The following RBM19 variants were observed in gnomAD, a reference collection of about 807,000 sequenced individuals.
RBM19 encodes the protein RNA binding motif protein 19.
A neutral mutation model predicts 116.8 loss-of-function variants in RBM19; 94 were observed. The observed-to-expected ratio is 0.80, with a 90% CI of 0.68 to 0.95. The LOEUF is 0.95. RBM19 is among the 40% of genes least tolerant of loss of function. The pLI, the probability that RBM19 is intolerant of heterozygous loss-of-function variation, is 0.00. For missense variants in RBM19, 1,161 were observed against 1,220.7 expected (o/e 0.95, Z 0.73); for synonymous variants, 475 against 494.1 (o/e 0.96, Z 0.51).
At chr12:113,900,337 A>G (rs1881609797) in intron 21 of RBM19, among the ~76,000 whole-genome samples, 1 of 152,218 alleles carries the variant, frequency 6.6e-6, no homozygotes, top group Admixed American at 6.5e-5. Context: ...CTCTTAGTCA[A>G]GTACGTGCAG....
Position 113,909,678 on chromosome 12 carries a change from G to A in RBM19, c.2558+5291C>T, listed in dbSNP as rs145851223. 6.9e-4 allele frequency among the ~76,000 whole-genome samples: 105 copies of A among 152,140 alleles called. 1 individual carries two copies. The highest frequency in any genetic ancestry group is 2.2e-3 in the African/African-American group (91 of 41,500). On this transcript the variant is annotated intron_variant, in intron 21 of 23. Coordinates refer to ENST00000261741, the MANE Select transcript of RBM19 (RefSeq NM_016196.4). ...GAAGCTCACAGGTGGAAAGTGAGCC[G>A]GGGGACTCTGGAGTACTGTGTATAT...
intron 19 of RBM19, among the ~76,000 whole-genome samples, chr12:113,919,666 C>T: frequency 6.6e-6 from 1 of 152,216 alleles, no homozygotes; most frequent in East Asian, 1.9e-4. Flanking sequence ...AACTCCCCTC[C>T]TGCTAGAGAG....
At chr12:113,840,662 G>C (rs924025434) in intron 23 of RBM19, among the ~76,000 whole-genome samples, 4 of 152,236 alleles carry the variant, frequency 2.6e-5, no homozygotes, top group African/African-American at 9.6e-5. Flanking sequence ...GCAGGAGAGA[G>C]AGCTGCAGCT....
At chr12:113,824,970 A>T (rs565866145) in intron 23 of RBM19, among the ~76,000 whole-genome samples, 3 of 152,010 alleles carry the variant, frequency 2.0e-5, no homozygotes, top group Admixed American at 6.5e-5. Flanking sequence ...CCCCCTGCTC[A>T]AGACCTTTGC....
chr12:113,936,774 T>G, intron 16 of RBM19: 1 of 464,602 alleles, frequency 2.2e-6, no homozygotes, highest in Non-Finnish European at 3.7e-6. Context: ...GATAGTAATT[T>G]TTTTCCCCTA....
At chr12:113,894,462 C>T (rs1881187989) in intron 21 of RBM19, among the ~76,000 whole-genome samples, 1 of 152,174 alleles carries the variant, frequency 6.6e-6, no homozygotes, top group Admixed American at 6.6e-5. Context: ...GGAGGGGCAT[C>T]TCTTTAGAGG....
downstream of RBM19, chr12:113,818,139 T>C (rs972849213): frequency 2.1e-5 from 3 of 140,700 alleles, no homozygotes; most frequent in Non-Finnish European, 4.5e-5. Flanking sequence ...GGCGGGACAA[T>C]CGCTTGAACC....
chr12:113,879,264 T>G (rs1461129181), intron 21 of RBM19, among the ~76,000 whole-genome samples: 3 of 152,146 alleles, frequency 2.0e-5, no homozygotes, highest in Admixed American at 2.0e-4. Flanking sequence ...TTGCAGTGGC[T>G]GCAATGACAC....
At chr12:113,830,248 C>T (rs1317705434) in intron 23 of RBM19, among the ~76,000 whole-genome samples, 1 of 152,198 alleles carries the variant, frequency 6.6e-6, no homozygotes, top group Non-Finnish European at 1.5e-5. Flanking sequence ...GCCATTGGTT[C>T]TCAATCCAGC....
At chr12:113,872,124 G>A (rs1439959985) in intron 21 of RBM19, among the ~76,000 whole-genome samples, 9 of 148,702 alleles carry the variant, frequency 6.1e-5, no homozygotes, top group South Asian at 4.5e-4. Flanking sequence ...AGTGAGGAGC[G>A]TCTCTGCCCG....
chr12:113,954,624 T>C (rs1871752786), intron 7 of RBM19, among the ~76,000 whole-genome samples: 1 of 152,254 alleles, frequency 6.6e-6, no homozygotes, highest in African/African-American at 2.4e-5. Context: ...TTTTCTATAT[T>C]GAACTACTAC....
intron 16 of RBM19, 75 bp from the exon 17 acceptor site, chr12:113,927,304 TG>T (rs1328495554): frequency 1.2e-5 from 18 of 1,479,446 alleles, no homozygotes; most frequent in Non-Finnish European, 1.6e-5. Flanking sequence ...ACCAGAGCCC[TG>T]GGGCCAACTG....
chr12:113,899,860 T>G lies in RBM19; in HGVS notation c.2558+15109A>C, dbSNP rs537787598. On this transcript the variant is annotated intron_variant, in intron 21 of 23. Coordinates refer to ENST00000261741, the MANE Select transcript of RBM19 (RefSeq NM_016196.4). ...GGCGCGCAATTATCAGCTCCAACAATGAGCCAACGGCGGCCCTCCGAGCAA... is the reference window on the plus strand; with the variant it reads ...GGCGCGCAATTATCAGCTCCAACAAGGAGCCAACGGCGGCCCTCCGAGCAA... Among the ~76,000 whole-genome samples the G allele has an allele frequency of 2.7e-3, 405 of 151,846 alleles. 3 individuals are homozygous for G. The highest frequency in any genetic ancestry group is 0.01 in the Middle Eastern group (3 of 294).
chr12:113,937,578 G>C (rs999599183), intron 15 of RBM19, among the ~76,000 whole-genome samples: 6 of 152,036 alleles, frequency 3.9e-5, no homozygotes, highest in Non-Finnish European at 7.4e-5. Context: ...ACCTGTATAC[G>C]TGTGCATATG....
chr12:113,878,632 G>GATACAC (rs1879841489), intron 21 of RBM19, among the ~76,000 whole-genome samples: 1 of 137,830 alleles, frequency 7.3e-6, no homozygotes, highest in Admixed American at 7.3e-5. Flanking sequence ...CATTCTCCCT[G>GATACAC]ACACACACAC....
At position 113,901,526 on chromosome 12, in the gene RBM19, C is replaced by CATTCATTA. The variant is rs1029635175; in HGVS notation, c.2558+13442_2558+13443insTAATGAAT. Among the ~76,000 whole-genome samples the CATTCATTA allele has an allele frequency of 1.2e-4, 18 of 152,178 alleles. No homozygotes were observed. The South Asian group carries it at 2.5e-3, about 21-fold the overall frequency. On this transcript the variant is annotated intron_variant, in intron 21 of 23. Coordinates refer to ENST00000261741, the MANE Select transcript of RBM19 (RefSeq NM_016196.4). Reference sequence around the variant, plus strand: ...TCATTCATTCATTCATTCATTCATTCGAGACAGAGTCTTGCTCTGTCACCC... The same window carrying CATTCATTA: ...TCATTCATTCATTCATTCATTCATTCATTCATTAGAGACAGAGTCTTGCTCTGTCACCC...
intron 21 of RBM19, among the ~76,000 whole-genome samples, chr12:113,906,757 C>G (rs1203222628): frequency 1.3e-5 from 2 of 151,942 alleles, no homozygotes; most frequent in African/African-American, 2.4e-5. Context: ...ACTGCCCAGT[C>G]TAAGATTCCC....
Position 113,920,621 on chromosome 12 carries a change from T to C in RBM19, c.2375A>G (p.Lys792Arg), listed in dbSNP as rs769241581. The change falls in exon 19 of 24, where the codon AAG (lysine) becomes AGG (arginine). Residue 792 changes from lysine (K) to arginine (R), a missense_variant. Transcript: ENST00000261741. ...RKPEQAQKALKQLQGHVVDGH... is the reference protein window; with the variant it reads ...RKPEQAQKALRQLQGHVVDGH... ...GAATCTTCACTTTACCTGGAGCTGC[T>C]TGAGAGCTTTCTGGGCTTGCTCCGG... 19 of 1,613,900 alleles carry C rather than the reference T, an allele frequency of 1.2e-5. No individual in the cohort carries two copies. Among genetic ancestry groups the C allele is most frequent in the East Asian group, 2.2e-5 (1 of 44,888 alleles).
At chr12:113,909,312 G>T (rs1461643033) in intron 21 of RBM19, among the ~76,000 whole-genome samples, 1 of 152,070 alleles carries the variant, frequency 6.6e-6, no homozygotes, top group African/African-American at 2.4e-5. Context: ...GTAGAGATGG[G>T]GTCTTGCTAT....
Sources: allele counts gnomAD v4.1 joint callset (sites outside exome capture counted in the v4.1 genomes callset), GRCh38; gene constraint gnomAD v4.1.1; transcripts MANE v1.5; gene names NCBI Gene and HGNC (gene_info 2026-07-23, HGNC 2026-07-21).